The following CELF2 variants were observed in gnomAD, a reference collection of about 807,000 sequenced individuals.
CELF2 encodes the protein CUGBP Elav-like family member 2.
A neutral mutation model predicts 62.6 loss-of-function variants in CELF2; 8 were observed. The ratio of observed to expected loss-of-function variants is 0.13; its 90% confidence interval spans 0.07 to 0.23. CELF2 has a LOEUF of 0.23. CELF2 is among the 10% of genes least tolerant of loss of function. The probability of loss-of-function intolerance (pLI) is 1.00; values close to 1 mark genes in which losing one functional copy is unlikely to be tolerated. For missense variants in CELF2, 333 were observed against 671.0 expected (o/e 0.50, Z 5.56); for synonymous variants, 258 against 250.0 (o/e 1.03, Z -0.30).
At chr10:11,130,384 C>A (rs2059437265) in intron 1 of CELF2, among the ~76,000 whole-genome samples, 1 of 152,212 alleles carries the variant, frequency 6.6e-6, no homozygotes, top group Admixed American at 6.5e-5. Context: ...AGGGGCTGGC[C>A]TCTACCAAGT....
intron 1 of CELF2, among the ~76,000 whole-genome samples, chr10:11,113,494 C>A (rs2055758624): frequency 6.6e-6 from 1 of 152,162 alleles, no homozygotes; most frequent in Non-Finnish European, 1.5e-5. Flanking sequence ...ATATGATGGA[C>A]TTTTCTCACT....
chr10:11,099,196 C>T (rs916547991), intron 1 of CELF2, among the ~76,000 whole-genome samples: 3 of 152,122 alleles, frequency 2.0e-5, no homozygotes, highest in African/African-American at 4.8e-5. Flanking sequence ...CTTAGAATAC[C>T]TACACCTTTT....
At chr10:10,699,601 T>C in the CELF2 span, among the ~76,000 whole-genome samples, 1 of 151,922 alleles carries the variant, frequency 6.6e-6, no homozygotes, top group African/African-American at 2.4e-5. Context: ...TGTGGGGGAA[T>C]GGGGAGGAGG....
At chr10:11,094,329 T>A (rs1173756243) in intron 1 of CELF2, among the ~76,000 whole-genome samples, 1 of 152,242 alleles carries the variant, frequency 6.6e-6, no homozygotes, top group Non-Finnish European at 1.5e-5. Context: ...AAGAAAAGTT[T>A]GTCCAAATTA....
At chr10:10,506,655 G>A in the CELF2 span, among the ~76,000 whole-genome samples, 1 of 125,492 alleles carries the variant, frequency 8.0e-6, no homozygotes, top group African/African-American at 2.9e-5. Context: ...TACCACAGTT[G>A]TCCACCTCCT....
At chr10:10,728,017 T>A in the CELF2 span, among the ~76,000 whole-genome samples, 6 of 151,916 alleles carry the variant, frequency 3.9e-5, no homozygotes, top group Non-Finnish European at 7.4e-5. Context: ...CAGGTAGAGG[T>A]GTCATGACTC....
the CELF2 span, among the ~76,000 whole-genome samples, chr10:10,670,525 A>G: frequency 6.6e-6 from 1 of 152,174 alleles, no homozygotes; most frequent in African/African-American, 2.4e-5. Flanking sequence ...ACATTTGCAT[A>G]GCCTCCCACA....
chr10:10,712,173 A>AAAAAAC, the CELF2 span, among the ~76,000 whole-genome samples: 1 of 149,396 alleles, frequency 6.7e-6, no homozygotes, highest in African/African-American at 2.5e-5. Context: ...AAAAAAAAAA[A>AAAAAAC]CTGGAATCTC....
chr10:11,002,139 C>A (rs561943906), upstream of CELF2, among the ~76,000 whole-genome samples: 1 of 152,072 alleles, frequency 6.6e-6, no homozygotes, highest in Admixed American at 6.6e-5. This position sits in a 1 kb window ranked among gnomAD's most constrained non-coding sequence, Gnocchi z 4.4. Context: ...ACAATCATGG[C>A]GGAAGGCAAA....
rs1053773812 is a variant in CELF2, at chr10:11,191,414, G to C, written c.271+25732G>C. ...CCTCTATTGTGTGGGAGGTACCCCA[G>C]GCAATGAAACGGAGAGGTGTCTCCT... On this transcript the variant is annotated intron_variant, in intron 2 of 12. Transcript: ENST00000633077. This position sits in a 1 kb window ranked among gnomAD's most constrained non-coding sequence, Gnocchi z 4.1. Among the ~76,000 whole-genome samples, 1 of 152,192 alleles carries C rather than the reference G, an allele frequency of 6.6e-6. No individual in the cohort carries two copies. The highest frequency in any genetic ancestry group is 2.4e-5 in the African/African-American group (1 of 41,446).
At chr10:11,179,775 A>G (rs1160065139) in intron 2 of CELF2, among the ~76,000 whole-genome samples, 1 of 152,170 alleles carries the variant, frequency 6.6e-6, no homozygotes, top group Non-Finnish European at 1.5e-5. Context: ...CTGTGATCCT[A>G]TAAAGGTTAA....
At chr10:10,922,507 G>T (rs1030067706) in intron 2 of CELF2, among the ~76,000 whole-genome samples, 1 of 152,212 alleles carries the variant, frequency 6.6e-6, no homozygotes. Context: ...AAATGATTCA[G>T]ATGTCTGAGA....
At chr10:11,257,989 G>A in intron 5 of CELF2, 117 bp downstream of exon 5, 3 of 1,179,336 alleles carry the variant, frequency 2.5e-6, no homozygotes, top group Non-Finnish European at 3.6e-6. Flanking sequence ...TACATCCCAT[G>A]TGATAAAGTT....
chr10:10,722,313 TAAAAATA>T, the CELF2 span, among the ~76,000 whole-genome samples: 3 of 151,838 alleles, frequency 2.0e-5, no homozygotes, highest in East Asian at 1.9e-4. Flanking sequence ...ACCGTCTTTC[TAAAAATA>T]AAAAATAAAA....
the CELF2 span, among the ~76,000 whole-genome samples, chr10:10,494,096 G>A: frequency 2.0e-5 from 3 of 152,172 alleles, no homozygotes; most frequent in South Asian, 6.2e-4. Flanking sequence ...TGCCTCCAAA[G>A]CACAGCAGTC....
chr10:11,073,251 C>T (rs7091820), intron 1 of CELF2, among the ~76,000 whole-genome samples: 29,852 of 152,096 alleles, frequency 0.2, 3,051 homozygotes, highest in Middle Eastern at 0.28. Context: ...TTTGACAATT[C>T]GCTTTCAAAT....
chr10:11,149,523 G>A (rs188869018), intron 1 of CELF2, among the ~76,000 whole-genome samples: 3 of 152,270 alleles, frequency 2.0e-5, no homozygotes, highest in East Asian at 3.9e-4. Context: ...TATGAGCCCC[G>A]TGGCCAGAGG....
At chr10:11,009,634 C>G (rs898411039) in intron 1 of CELF2, among the ~76,000 whole-genome samples, 1 of 152,104 alleles carries the variant, frequency 6.6e-6, no homozygotes, top group African/African-American at 2.4e-5. Context: ...ACATGTATTA[C>G]GAGGGCAGAT....
Position 11,207,315 on chromosome 10 carries a change from T to C in CELF2, c.272-10110T>C, listed in dbSNP as rs10795852. On this transcript the variant is annotated intron_variant, in intron 2 of 12. Coordinates refer to ENST00000633077, the MANE Select transcript of CELF2 (RefSeq NM_001326342.2). This position sits in a 1 kb window ranked among gnomAD's most constrained non-coding sequence, Gnocchi z 4.1. ...GAGCTTGCTAGTCTTCACGGGGTCATGGAAATAACAGAAGATGGTTCCTCC... is the reference window on the plus strand; with the variant it reads ...GAGCTTGCTAGTCTTCACGGGGTCACGGAAATAACAGAAGATGGTTCCTCC... Among the ~76,000 whole-genome samples, 113,000 of 152,110 alleles carry C rather than the reference T, an allele frequency of 0.74. 42,925 individuals carry two copies. The highest frequency in any genetic ancestry group is 0.8 in the Non-Finnish European group (54,407 of 68,002).
Sources: gnomAD v4.1 joint callset for allele counts (sites outside exome capture counted in the v4.1 genomes callset) on GRCh38, gnomAD v4.1.1 for gene constraint, Gnocchi (gnomAD v3.1) non-coding constraint, MANE v1.5 for transcripts, NCBI Gene and HGNC (gene_info 2026-07-23, HGNC 2026-07-21) for gene names.